RIT2: variants seen among roughly 807,000 people sequenced by gnomAD.
RIT2 encodes the protein GTP-binding protein Rit2.
Under a neutral mutation model 23.7 loss-of-function variants are expected in RIT2, and 24 were observed. The ratio of observed to expected loss-of-function variants is 1.01; its 90% confidence interval spans 0.73 to 1.43. RIT2 has a LOEUF of 1.43. Among genes scored for constraint, RIT2 ranks in the 40% most tolerant of loss-of-function variants. The pLI, the probability that RIT2 is intolerant of heterozygous loss-of-function variation, is 0.00. For synonymous variants in RIT2, 107 were observed against 91.1 expected, an observed-to-expected ratio of 1.17 and a Z score of -0.99; for missense variants, 236 against 266.9, an observed-to-expected ratio of 0.88 and a Z score of 0.81.
chr18:42,777,412 A>G (rs1442025709), intron 4 of RIT2, among the ~76,000 whole-genome samples: 1 of 152,212 alleles, frequency 6.6e-6, no homozygotes, highest in African/African-American at 2.4e-5. Flanking sequence ...GGGACTTTCA[A>G]TATTTTCAGG....
intron 1 of RIT2, among the ~76,000 whole-genome samples, chr18:43,042,236 A>G (rs1253054518): frequency 6.6e-6 from 1 of 152,158 alleles, no homozygotes; most frequent in African/African-American, 2.4e-5. Flanking sequence ...TCTCGTCTGA[A>G]AAATGTGAAG....
At chr18:42,843,977 A>G (rs940706011) in intron 4 of RIT2, among the ~76,000 whole-genome samples, 5 of 152,176 alleles carry the variant, frequency 3.3e-5, no homozygotes, top group Non-Finnish European at 7.3e-5. Context: ...AAGAAATATA[A>G]AAGAGATAGA....
chr18:43,092,546 C>G (rs1451298238), intron 1 of RIT2, among the ~76,000 whole-genome samples: 2 of 152,050 alleles, frequency 1.3e-5, no homozygotes, highest in African/African-American at 4.8e-5. Flanking sequence ...AATACAGTCT[C>G]AAGATTAACT....
intron 2 of RIT2, among the ~76,000 whole-genome samples, chr18:42,993,925 G>A (rs1910915129): frequency 6.6e-6 from 1 of 152,076 alleles, no homozygotes; most frequent in Admixed American, 6.5e-5. Flanking sequence ...GTCTGTTACA[G>A]CATGGACTTT....
intron 1 of RIT2, among the ~76,000 whole-genome samples, chr18:43,061,557 T>G (rs1049359493): frequency 6.6e-6 from 1 of 152,140 alleles, no homozygotes; most frequent in African/African-American, 2.4e-5. Context: ...CAGTTCTGGA[T>G]AGAGTCCATG....
chr18:42,914,117 C>T (rs1908842454), intron 4 of RIT2, among the ~76,000 whole-genome samples: 1 of 151,904 alleles, frequency 6.6e-6, no homozygotes, highest in Non-Finnish European at 1.5e-5. Context: ...AAATTAAAAT[C>T]ATAATGAGAT....
At chr18:42,922,811 T>C (rs1909085173) in intron 4 of RIT2, among the ~76,000 whole-genome samples, 1 of 152,162 alleles carries the variant, frequency 6.6e-6, no homozygotes. Context: ...GACTCTCTAT[T>C]GATCACATTG....
At chr18:42,863,138 A>C (rs1202748557) in intron 4 of RIT2, among the ~76,000 whole-genome samples, 1 of 152,090 alleles carries the variant, frequency 6.6e-6, no homozygotes, top group Non-Finnish European at 1.5e-5. Context: ...CTGTAGACTA[A>C]TGTTTATAAA....
intron 1 of RIT2, among the ~76,000 whole-genome samples, chr18:43,102,101 G>A (rs1266810379): frequency 6.6e-6 from 1 of 152,164 alleles, no homozygotes; most frequent in Non-Finnish European, 1.5e-5. Flanking sequence ...GAGAAGTGAT[G>A]CTTTGATTTG....
At chr18:42,990,009 ATGTGTGTGTGTGTGTG>A (rs5824463) in intron 2 of RIT2, among the ~76,000 whole-genome samples, 22 of 148,794 alleles carry the variant, frequency 1.5e-4, no homozygotes, top group Non-Finnish European at 8.9e-5. Context: ...ATTTACAGAT[ATGTGTGTGTGTGTGTG>A]TGTGTGTGTG....
chr18:43,015,732 T>A (rs1911458890), intron 2 of RIT2, among the ~76,000 whole-genome samples: 1 of 151,606 alleles, frequency 6.6e-6, no homozygotes, highest in African/African-American at 2.4e-5. Flanking sequence ...TGAAAATAAG[T>A]AATGAGCCAT....
At chr18:42,827,728 A>G (rs901467505) in intron 4 of RIT2, among the ~76,000 whole-genome samples, 9 of 152,226 alleles carry the variant, frequency 5.9e-5, no homozygotes, top group Admixed American at 1.3e-4. Context: ...AATGTAGGCC[A>G]GGCGTGGTGG....
intron 3 of RIT2, among the ~76,000 whole-genome samples, chr18:42,966,607 T>C (rs1910229603): frequency 1.3e-5 from 2 of 150,884 alleles, no homozygotes; most frequent in South Asian, 2.1e-4. Flanking sequence ...AGAGGTGATA[T>C]GATAAAATAT....
chr18:42,931,558 T>C (rs1909325631), intron 3 of RIT2, among the ~76,000 whole-genome samples: 1 of 152,196 alleles, frequency 6.6e-6, no homozygotes. Context: ...CTGTTTGCCT[T>C]CCTCTTTCTA....
At chr18:42,842,180 G>A (rs1477412284) in intron 4 of RIT2, among the ~76,000 whole-genome samples, 1 of 152,230 alleles carries the variant, frequency 6.6e-6, no homozygotes, top group South Asian at 2.1e-4. Flanking sequence ...GTTGATGCAG[G>A]TCTGATTACC....
intron 4 of RIT2, among the ~76,000 whole-genome samples, chr18:42,906,238 A>T (rs1908618306): frequency 6.6e-6 from 1 of 151,880 alleles, no homozygotes; most frequent in Admixed American, 6.6e-5. Flanking sequence ...CATTATTATG[A>T]TTCTATTTGC....
At chr18:43,004,285 A>G (rs1183216255) in intron 2 of RIT2, among the ~76,000 whole-genome samples, 3 of 151,826 alleles carry the variant, frequency 2.0e-5, no homozygotes. Flanking sequence ...CAACATGCCT[A>G]TCACAGGGAG....
At chr18:42,828,229 C>CA (rs1175768863) in intron 4 of RIT2, among the ~76,000 whole-genome samples, 2 of 151,964 alleles carry the variant, frequency 1.3e-5, no homozygotes, top group Non-Finnish European at 2.9e-5. Context: ...TACACATATG[C>CA]AATTATCAAT....
intron 4 of RIT2, among the ~76,000 whole-genome samples, chr18:42,883,805 T>C (rs1348058511): frequency 6.6e-6 from 1 of 152,182 alleles, no homozygotes; most frequent in Non-Finnish European, 1.5e-5. Context: ...CTTCTAAAAA[T>C]GAGTCTTGAA....
Sources: allele counts gnomAD v4.1 joint callset (sites outside exome capture counted in the v4.1 genomes callset), GRCh38; gene constraint gnomAD v4.1.1; transcripts MANE v1.5; gene names NCBI Gene and HGNC (gene_info 2026-07-23, HGNC 2026-07-21).